The following ERBB4 variants were observed in gnomAD, a reference collection of about 807,000 sequenced individuals.
ERBB4 encodes the protein erb-b2 receptor tyrosine kinase 4, also known as receptor tyrosine-protein kinase erbB-4.
ERBB4 carries 42 observed loss-of-function variants against 158.0 expected under a neutral mutation model. That is an observed-to-expected ratio of 0.27 (90% CI 0.21 to 0.34). The LOEUF (loss-of-function observed/expected upper bound fraction) is 0.34. Ranked by LOEUF, ERBB4 falls within the 10% of genes least tolerant of loss-of-function variation. ERBB4 has a pLI of 1.00. For synonymous variants in ERBB4, 583 were observed against 558.7 expected (o/e 1.04, Z -0.61); for missense variants, 1,333 against 1,624.1 (o/e 0.82, Z 3.08).
At chr2:212,205,230 T>A (rs1287960547) in intron 1 of ERBB4, among the ~76,000 whole-genome samples, 1 of 151,666 alleles carries the variant, frequency 6.6e-6, no homozygotes, top group African/African-American at 2.4e-5. Context: ...GCACGATCTC[T>A]GCTCACTGAA....
intron 19 of ERBB4, among the ~76,000 whole-genome samples, chr2:211,580,812 A>C: frequency 2.1e-5 from 1 of 48,304 alleles, no homozygotes; most frequent in Non-Finnish European, 3.4e-5. Flanking sequence ...ATATATATAT[A>C]ATATATATAT....
chr2:212,157,465 A>T (rs1162716016), intron 1 of ERBB4, among the ~76,000 whole-genome samples: 1 of 152,118 alleles, frequency 6.6e-6, no homozygotes, highest in East Asian at 1.9e-4. Context: ...TTAATCTGAG[A>T]TTAAACCCAG....
At chr2:211,638,455 T>C (rs182063153) in intron 16 of ERBB4, among the ~76,000 whole-genome samples, 1 of 152,322 alleles carries the variant, frequency 6.6e-6, no homozygotes, top group East Asian at 1.9e-4. Flanking sequence ...GACACATCTT[T>C]TCTTTTTGAG....
chr2:211,434,603 C>T (rs1223555162), intron 20 of ERBB4, among the ~76,000 whole-genome samples: 1 of 152,124 alleles, frequency 6.6e-6, no homozygotes, highest in Non-Finnish European at 1.5e-5. Context: ...ACACACTCTA[C>T]AATACAAGAA....
chr2:211,508,345 A>G (rs2065801480), intron 20 of ERBB4, among the ~76,000 whole-genome samples: 1 of 152,214 alleles, frequency 6.6e-6, no homozygotes, highest in African/African-American at 2.4e-5. Flanking sequence ...TCAAAAAAAG[A>G]CATTTTGCAG....
intron 1 of ERBB4, among the ~76,000 whole-genome samples, chr2:212,505,161 A>G (rs1329353447): frequency 1.3e-5 from 2 of 152,162 alleles, no homozygotes; most frequent in African/African-American, 4.8e-5. Context: ...CAGTGGCACA[A>G]TCGAAGCTCA....
intron 1 of ERBB4, among the ~76,000 whole-genome samples, chr2:212,300,191 T>G (rs536094302): frequency 6.6e-6 from 1 of 151,758 alleles, no homozygotes; most frequent in South Asian, 2.1e-4. Flanking sequence ...GAACCATTGT[T>G]GGAGATTGTC....
intron 3 of ERBB4, among the ~76,000 whole-genome samples, chr2:211,874,073 G>C (rs545900327): frequency 2.9e-4 from 44 of 152,228 alleles, no homozygotes; most frequent in Middle Eastern, 3.4e-3. Context: ...GCTTAGGCGA[G>C]AGAATCACTT....
At chr2:212,300,798 G>A (rs1307475118) in intron 1 of ERBB4, among the ~76,000 whole-genome samples, 1 of 151,398 alleles carries the variant, frequency 6.6e-6, no homozygotes, top group East Asian at 1.9e-4. Flanking sequence ...TTTGACTCTT[G>A]CGTAAACGTA....
At chr2:212,308,490 A>G (rs2086898144) in intron 1 of ERBB4, among the ~76,000 whole-genome samples, 1 of 150,984 alleles carries the variant, frequency 6.6e-6, no homozygotes, top group African/African-American at 2.4e-5. Context: ...GTATTTCTTT[A>G]AAAGGTTCTG....
Position 212,538,540 on chromosome 2 carries a change from G to A in ERBB4, c.-10C>T. The A allele has an allele frequency of 6.2e-7, 1 of 1,613,288 alleles. No homozygotes were observed. The highest frequency in any genetic ancestry group is 1.1e-5 in the South Asian group (1 of 91,078). The stretch of plus-strand genomic sequence containing the variant: ...CTGTCGCCGGCTTCATTTTTTGGAA[G>A]TCTCAGATCCCGTGCTGACAATTAC... On this transcript the variant is annotated 5_prime_UTR_variant, in exon 1 of 28. Coordinates refer to ENST00000342788, the MANE Select transcript of ERBB4 (RefSeq NM_005235.3).
chr2:211,920,846 T>G (rs1180144795), intron 3 of ERBB4, among the ~76,000 whole-genome samples: 1 of 151,932 alleles, frequency 6.6e-6, no homozygotes, highest in Non-Finnish European at 1.5e-5. Context: ...TTGTTTATTA[T>G]CTCATAGCCA....
intron 4 of ERBB4, among the ~76,000 whole-genome samples, chr2:211,761,617 T>C (rs7573116): frequency 0.43 from 65,179 of 152,108 alleles, 14,526 homozygotes; most frequent in Middle Eastern, 0.55. Flanking sequence ...GATTCTATTA[T>C]TTGTTTATTA....
chr2:211,505,059 C>T (rs1442593285), intron 20 of ERBB4, among the ~76,000 whole-genome samples: 1 of 152,054 alleles, frequency 6.6e-6, no homozygotes, highest in Non-Finnish European at 1.5e-5. Flanking sequence ...TTTCCACAAT[C>T]TTGCTAGAGA....
At chr2:212,480,675 C>T (rs1254234865) in intron 1 of ERBB4, among the ~76,000 whole-genome samples, 2 of 152,120 alleles carry the variant, frequency 1.3e-5, no homozygotes, top group Non-Finnish European at 2.9e-5. Context: ...AACAAGCAAG[C>T]CATATGTGCT....
chr2:211,698,295 AGAGT>A (rs1208952472), intron 12 of ERBB4, among the ~76,000 whole-genome samples: 1 of 149,462 alleles, frequency 6.7e-6, no homozygotes, highest in Non-Finnish European at 1.5e-5. Flanking sequence ...CTGGGAAACA[AGAGT>A]GAGACTCCGT....
At chr2:211,918,347 T>C (rs1442360114) in intron 3 of ERBB4, among the ~76,000 whole-genome samples, 1 of 152,134 alleles carries the variant, frequency 6.6e-6, no homozygotes, top group Non-Finnish European at 1.5e-5. Flanking sequence ...TCTATACCCT[T>C]ATTCCATCCC....
intron 25 of ERBB4, among the ~76,000 whole-genome samples, chr2:211,406,562 T>C (rs536134117): frequency 9.6e-4 from 146 of 152,194 alleles, no homozygotes; most frequent in South Asian, 3.9e-3. Flanking sequence ...ACTGATCTTA[T>C]AGCAATAATA....
chr2:211,506,197 GCAATA>G (rs141815254), intron 20 of ERBB4, among the ~76,000 whole-genome samples: 8,264 of 151,978 alleles, frequency 0.054, 749 homozygotes, highest in African/African-American at 0.19. Flanking sequence ...AATAAAGAGT[GCAATA>G]CAGTAAGATT....
Sources: allele counts gnomAD v4.1 joint callset (sites outside exome capture counted in the v4.1 genomes callset), GRCh38; gene constraint gnomAD v4.1.1; transcripts MANE v1.5; gene names NCBI Gene and HGNC (gene_info 2026-07-23, HGNC 2026-07-21).